The following MIPOL1 variants were observed in gnomAD, a reference collection of about 807,000 sequenced individuals.
MIPOL1 encodes the protein mirror-image polydactyly gene 1 protein.
In MIPOL1, 57 loss-of-function variants were observed where a neutral mutation model predicts 60.9. That is an observed-to-expected ratio of 0.94 (90% CI 0.76 to 1.17). MIPOL1 has a LOEUF of 1.17. Ranked by LOEUF, MIPOL1 falls within the 50% of genes most tolerant of loss-of-function variation. MIPOL1 has a pLI of 0.00. For missense variants in MIPOL1, 551 were observed against 511.6 expected, an observed-to-expected ratio of 1.08 and a Z score of -0.74; for synonymous variants, 179 against 168.8, an observed-to-expected ratio of 1.06 and a Z score of -0.47.
chr14:37,493,725 T>C (rs563384732), intron 11 of MIPOL1, among the ~76,000 whole-genome samples: 101 of 152,320 alleles, frequency 6.6e-4, no homozygotes, highest in South Asian at 1.5e-3. Flanking sequence ...ATTTAAACTT[T>C]GCTTATCTTA....
intron 9 of MIPOL1, among the ~76,000 whole-genome samples, chr14:37,357,464 A>T (rs1330876143): frequency 6.6e-6 from 1 of 152,296 alleles, no homozygotes; most frequent in Non-Finnish European, 1.5e-5. Flanking sequence ...GGAGTGAGAC[A>T]ATAATCTAAT....
chr14:37,531,498 A>G (rs1204143548), intron 12 of MIPOL1, among the ~76,000 whole-genome samples: 1 of 152,134 alleles, frequency 6.6e-6, no homozygotes, highest in African/African-American at 2.4e-5. Flanking sequence ...CATGATATAT[A>G]CTTATAAGCT....
intron 11 of MIPOL1, among the ~76,000 whole-genome samples, chr14:37,495,534 T>G (rs903016896): frequency 6.7e-5 from 10 of 149,912 alleles, no homozygotes; most frequent in African/African-American, 2.5e-4. Flanking sequence ...CTATCATTGT[T>G]GGACATTTGG....
intron 11 of MIPOL1, among the ~76,000 whole-genome samples, chr14:37,447,583 C>G (rs150012285): frequency 1.3e-3 from 193 of 152,212 alleles, no homozygotes; most frequent in African/African-American, 4.3e-3. Flanking sequence ...TTTATAGTTT[C>G]ACAGATATTT....
At chr14:37,461,077 T>C (rs1309774989) in intron 11 of MIPOL1, among the ~76,000 whole-genome samples, 1 of 152,186 alleles carries the variant, frequency 6.6e-6, no homozygotes, top group East Asian at 1.9e-4. Context: ...ACAAAGCTGG[T>C]GGAGGCATCA....
intron 1 of MIPOL1, among the ~76,000 whole-genome samples, chr14:37,244,421 A>G (rs1053384402): frequency 2.0e-5 from 3 of 151,938 alleles, no homozygotes; most frequent in African/African-American, 7.2e-5. Context: ...ATGCCCCGCC[A>G]CTTCCTTTTT....
At position 37,209,259 on chromosome 14, in the gene MIPOL1, T is replaced by C. The variant is rs534498254; in HGVS notation, c.-199+11155T>C. Among the ~76,000 whole-genome samples the C allele has an allele frequency of 3.3e-5, 5 of 152,352 alleles. No homozygotes were observed. The South Asian group carries it at 1.0e-3, about 32-fold the overall frequency. On this transcript the variant is annotated intron_variant, in intron 1 of 12. Transcript: ENST00000684589. ...TAGATTTGGATTTTTAAAAATCCAGTGGGACATCTCTGTCTTCCAGTTGGA... is the reference window on the plus strand; with the variant it reads ...TAGATTTGGATTTTTAAAAATCCAGCGGGACATCTCTGTCTTCCAGTTGGA...
intron 1 of MIPOL1, among the ~76,000 whole-genome samples, chr14:37,207,149 G>A (rs1227720388): frequency 6.6e-6 from 1 of 152,138 alleles, no homozygotes; most frequent in African/African-American, 2.4e-5. Context: ...TGTAGCTCCC[G>A]TAATTCCCTC....
Position 37,504,030 on chromosome 14 carries a change from G to A in MIPOL1, c.1262+3892G>A, listed in dbSNP as rs1019765203. 4 of 152,116 alleles carry A rather than the reference G, an allele frequency of 2.6e-5. No individual in the cohort carries two copies. The East Asian group carries it at 5.8e-4, about 22-fold the overall frequency. The allele number at this position is 152,116 out of a possible 1,614,324, so 9.4% of individuals were successfully genotyped here. On this transcript the variant is annotated intron_variant, in intron 12 of 12. Transcript: ENST00000684589. ...AAGAAGGCCATTACATAATGGTAAA[G>A]GGATCACTTCAACAAGAAGAGCTAA...
rs1194018613 is a variant in MIPOL1, at chr14:37,500,123, A to T, written c.1247A>T (p.Asn416Ile). The change falls in exon 12 of 13, where the codon AAT becomes ATT. Residue 416 changes from asparagine to isoleucine, a missense_variant. Physicochemically the swap from Asn to Ile is moderately radical, Grantham distance 149. Transcript: ENST00000684589. Reference protein sequence around the residue: ...QHAREASQVANEKVQKLERLV... With the variant: ...QHAREASQVAIEKVQKLERLV... ...GCCAGAGAGGCCTCCCAAGTGGCCA[A>T]TGAAAAAGTTCAAAAGTAAGTTAAA... 1.2e-6 allele frequency: 2 copies of T among 1,604,580 alleles called. No homozygotes were observed. The highest frequency in any genetic ancestry group is 1.1e-5 in the South Asian group (1 of 90,140).
intron 9 of MIPOL1, among the ~76,000 whole-genome samples, chr14:37,356,726 T>C (rs2091868779): frequency 6.6e-6 from 1 of 152,224 alleles, no homozygotes; most frequent in Admixed American, 6.5e-5. Context: ...CCTGACCCCT[T>C]GCGCTTCCCG....
At chr14:37,527,743 T>C (rs886817498) in intron 12 of MIPOL1, among the ~76,000 whole-genome samples, 1 of 152,114 alleles carries the variant, frequency 6.6e-6, no homozygotes, top group Non-Finnish European at 1.5e-5. Context: ...CCTTGACTTA[T>C]GATGTTAGAA....
chr14:37,547,004 A>C lies in MIPOL1; in HGVS notation c.*33A>C. On this transcript the variant is annotated 3_prime_UTR_variant, in exon 13 of 13. Coordinates refer to ENST00000684589, the MANE Select transcript of MIPOL1 (RefSeq NM_001388067.1). ...AAAACGACAGTCTGGGGAAGCGATC[A>C]CATCTGGTGACCAGGCTGCTTCATT... 6.3e-7 allele frequency: 1 copy of C among 1,584,794 alleles called. No individual in the cohort carries two copies. Among genetic ancestry groups the C allele is most frequent in the Non-Finnish European group, 8.7e-7 (1 of 1,153,928 alleles).
At position 37,285,331 on chromosome 14, in the gene MIPOL1, A is replaced by T. The variant is rs961071410; in HGVS notation, c.507A>T (p.Glu169Asp). ...ATATTTTGGTAGCTCTGGTTGAAGA[A>T]GTGTATTTTGCGCAGAAGGAACGTG... ...IAEKTAALVE[E>D]VYFAQKERDE... Residue 169 changes from glutamate to aspartate, a missense_variant, in exon 7 of 13, where the codon GAA (glutamate) becomes GAT (aspartate). Transcript: ENST00000684589. 1.9e-6 allele frequency: 3 copies of T among 1,614,034 alleles called. No homozygotes were observed. The highest frequency in any genetic ancestry group is 1.7e-5 in the Admixed American group (1 of 60,006).
At chr14:37,270,245 C>T (rs1244315990) in intron 5 of MIPOL1, among the ~76,000 whole-genome samples, 175 bp from the exon 6 acceptor site, 2 of 152,024 alleles carry the variant, frequency 1.3e-5, no homozygotes, top group Non-Finnish European at 2.9e-5. Flanking sequence ...TGTATAACTA[C>T]AGGTAATTAT....
intron 5 of MIPOL1, 77 bp downstream of exon 5, chr14:37,268,870 A>T (rs890760924): frequency 1.7e-6 from 2 of 1,198,562 alleles, no homozygotes; most frequent in African/African-American, 3.2e-5. Flanking sequence ...GTTGCCCATC[A>T]TAATTCAGTT....
intron 7 of MIPOL1, among the ~76,000 whole-genome samples, chr14:37,286,900 G>T (rs1171733159): frequency 6.6e-6 from 1 of 152,074 alleles, no homozygotes; most frequent in South Asian, 2.1e-4. Flanking sequence ...TACCTAGAAG[G>T]ATAGATGGCT....
intron 11 of MIPOL1, among the ~76,000 whole-genome samples, chr14:37,486,227 T>C (rs1176885818): frequency 2.0e-5 from 3 of 152,202 alleles, no homozygotes; most frequent in Admixed American, 6.5e-5. Context: ...CATGCTGTTT[T>C]GGTTACTATA....
intron 6 of MIPOL1, among the ~76,000 whole-genome samples, chr14:37,271,214 CTG>C (rs974885691): frequency 2.0e-5 from 3 of 151,990 alleles, no homozygotes; most frequent in African/African-American, 7.2e-5. Context: ...GTGTATGCCA[CTG>C]TGAATGTATC....
Sources: gnomAD v4.1 joint callset for allele counts (sites outside exome capture counted in the v4.1 genomes callset) on GRCh38, gnomAD v4.1.1 for gene constraint, MANE v1.5 for transcripts, NCBI Gene and HGNC (gene_info 2026-07-23, HGNC 2026-07-21) for gene names.